WFDC1: variants seen among roughly 807,000 people sequenced by gnomAD.
WFDC1 encodes WAP four-disulfide core domain 1.
Under a neutral mutation model 32.9 loss-of-function variants are expected in WFDC1, and 39 were observed. The ratio of observed to expected loss-of-function variants is 1.19; its 90% CI spans 0.92 to 1.55. The LOEUF (loss-of-function observed/expected upper bound fraction) is 1.55, where lower values mean the gene tolerates loss of function less well. WFDC1 is among the 40% of genes most tolerant of loss of function. The probability of loss-of-function intolerance (pLI) is 0.00; values close to 1 mark genes in which losing one functional copy is unlikely to be tolerated. For missense variants in WFDC1, 386 were observed against 309.5 expected, an observed-to-expected ratio of 1.25 and a Z score of -1.85; for synonymous variants, 184 against 137.4, an observed-to-expected ratio of 1.34 and a Z score of -2.37.
At chr16:84,306,182 C>T (rs1042635964) in intron 1 of WFDC1, among the ~76,000 whole-genome samples, 7 of 152,048 alleles carry the variant, frequency 4.6e-5, no homozygotes, top group South Asian at 2.1e-4. Flanking sequence ...TTGCAGATGA[C>T]GCTCAGATAC....
At chr16:84,319,030 G>T (rs1250131285) in intron 3 of WFDC1, 6 of 235,844 alleles carry the variant, frequency 2.5e-5, no homozygotes, top group Non-Finnish European at 3.4e-5. Context: ...TGCAGGATTT[G>T]TGTGTGGGGA....
chr16:84,318,908 ATTTGTGTGTG>A lies in WFDC1; in HGVS notation c.422-521_422-512del, dbSNP rs1284019889. The A allele has an allele frequency of 6.0e-3, 637 of 106,000 alleles. 5 individuals carry two copies. The highest frequency in any genetic ancestry group is 0.033 in the African/African-American group (601 of 18,452). 6.6% of individuals were successfully genotyped at this position (106,000 alleles called of 1,614,324 possible). A position where few individuals can be genotyped will look rare whatever the true frequency, so the allele number is the denominator to read the frequency against. On this transcript the variant is annotated intron_variant, in intron 3 of 6. Coordinates refer to ENST00000219454, the MANE Select transcript of WFDC1 (RefSeq NM_021197.4). ...GCTGTCCTTGTGCCTGTGGCTGAATATTTGTGTGTGTGTGTGTGTGTGTGTGTGTGTGTGC... is the reference window on the plus strand; with the variant it reads ...GCTGTCCTTGTGCCTGTGGCTGAATATGTGTGTGTGTGTGTGTGTGTGTGC...
intron 1 of WFDC1, among the ~76,000 whole-genome samples, chr16:84,300,767 C>T (rs1267246662): frequency 2.0e-5 from 3 of 152,102 alleles, no homozygotes; most frequent in Non-Finnish European, 4.4e-5. Context: ...GTCAGGAGTT[C>T]GAGACCAGCC....
rs1393816658 is a variant in WFDC1, at chr16:84,300,649, C to T, written c.144+5534C>T. Reference sequence around the variant, plus strand: ...AAGTCATGCTGGAGGTGGGTGGTTCCTTAATATGAACCCCGTTCCTTATAA... The same window carrying T: ...AAGTCATGCTGGAGGTGGGTGGTTCTTTAATATGAACCCCGTTCCTTATAA... On this transcript the variant is annotated intron_variant, in intron 1 of 6. Coordinates refer to ENST00000219454, the MANE Select transcript of WFDC1 (RefSeq NM_021197.4). Among the ~76,000 whole-genome samples the T allele has an allele frequency of 3.3e-5, 5 of 152,310 alleles. No homozygotes were observed. The South Asian group carries it at 8.3e-4, about 25-fold the overall frequency.
chr16:84,313,642 C>G (rs1486408218), intron 2 of WFDC1, among the ~76,000 whole-genome samples: 2 of 152,350 alleles, frequency 1.3e-5, no homozygotes, highest in East Asian at 3.9e-4. Flanking sequence ...TTCCCACTCA[C>G]CCCATCAACC....
intron 1 of WFDC1, among the ~76,000 whole-genome samples, chr16:84,297,459 A>C (rs1452941393): frequency 6.6e-6 from 1 of 152,018 alleles, no homozygotes; most frequent in Non-Finnish European, 1.5e-5. Context: ...CTCTACTAAA[A>C]ATACAAAATT....
intron 1 of WFDC1, among the ~76,000 whole-genome samples, chr16:84,303,402 A>T (rs1907063954): frequency 6.6e-6 from 1 of 151,630 alleles, no homozygotes. Flanking sequence ...GCAGCTCTGG[A>T]GATTGGATTC....
chr16:84,295,825 C>G (rs1906563587), intron 1 of WFDC1: 1 of 152,392 alleles, frequency 6.6e-6, no homozygotes, highest in Admixed American at 6.5e-5. Flanking sequence ...GCAATCTCAT[C>G]TGCAAAAGAC....
chr16:84,310,370 G>A (rs914906844), intron 1 of WFDC1, among the ~76,000 whole-genome samples: 9 of 152,102 alleles, frequency 5.9e-5, no homozygotes, highest in Admixed American at 1.3e-4. Flanking sequence ...TGGAGGTGAC[G>A]GCGCCCACAC....
rs570939321 is a variant in WFDC1 at position 84,303,730 on chromosome 16, G to A, written c.144+8615G>A. On this transcript the variant is annotated intron_variant, in intron 1 of 6. Transcript: ENST00000219454. ...CAAAGGTACAATTCAGTGGTGTTTAGTATACTCAGAGTCATGCAACCGTCC... is the reference window on the plus strand; with the variant it reads ...CAAAGGTACAATTCAGTGGTGTTTAATATACTCAGAGTCATGCAACCGTCC... Among the ~76,000 whole-genome samples, 3 of 152,286 alleles carry A rather than the reference G, an allele frequency of 2.0e-5. 1 individual carries two copies. The South Asian group carries it at 6.2e-4, about 32-fold the overall frequency.
chr16:84,295,436 G>A (rs1367514717), intron 1 of WFDC1: 10 of 484,658 alleles, frequency 2.1e-5, no homozygotes, highest in South Asian at 1.3e-4. Flanking sequence ...GGATTTAAAC[G>A]GAGCATTCCG....
chr16:84,312,256 C>G (rs548209088), intron 1 of WFDC1, among the ~76,000 whole-genome samples: 1 of 152,282 alleles, frequency 6.6e-6, no homozygotes, highest in African/African-American at 2.4e-5. Flanking sequence ...AATAAACACA[C>G]CATGTAACCA....
At chr16:84,303,879 G>A (rs1203625110) in intron 1 of WFDC1, among the ~76,000 whole-genome samples, 1 of 152,170 alleles carries the variant, frequency 6.6e-6, no homozygotes, top group Non-Finnish European at 1.5e-5. Context: ...TGTCTTTATG[G>A]ATCTGCCTGT....
At chr16:84,312,677 G>A (rs1032642232) in intron 1 of WFDC1, among the ~76,000 whole-genome samples, 1 of 151,942 alleles carries the variant, frequency 6.6e-6, no homozygotes, top group African/African-American at 2.4e-5. Context: ...TCTCACACCG[G>A]GTAGATACTT....
intron 1 of WFDC1, among the ~76,000 whole-genome samples, chr16:84,296,234 A>C (rs972044893): frequency 6.6e-6 from 1 of 152,220 alleles, no homozygotes; most frequent in Non-Finnish European, 1.5e-5. Flanking sequence ...CAACATAGCA[A>C]GCTGGCAGTG....
intron 4 of WFDC1, 92 bp downstream of exon 4, chr16:84,319,663 G>A: frequency 2.6e-6 from 4 of 1,519,992 alleles, no homozygotes; most frequent in Non-Finnish European, 3.5e-6. Context: ...ACCTGCCCCA[G>A]GAAGCAGCCC....
At chr16:84,315,281 C>T (rs1001739944) in intron 2 of WFDC1, among the ~76,000 whole-genome samples, 5 of 152,216 alleles carry the variant, frequency 3.3e-5, no homozygotes, top group African/African-American at 9.6e-5. Flanking sequence ...CCCTCCTTGG[C>T]CATTTTTAAA....
chr16:84,297,433 C>T (rs1163881409), intron 1 of WFDC1, among the ~76,000 whole-genome samples: 1 of 152,048 alleles, frequency 6.6e-6, no homozygotes, highest in Non-Finnish European at 1.5e-5. Flanking sequence ...GCCTGACCAA[C>T]ATGGTGAAAC....
intron 1 of WFDC1, among the ~76,000 whole-genome samples, chr16:84,300,839 G>T (rs1906891454): frequency 6.6e-6 from 1 of 152,126 alleles, no homozygotes; most frequent in Non-Finnish European, 1.5e-5. Flanking sequence ...GCATGGTGGT[G>T]CATGCCTGTA....
Sources: allele counts gnomAD v4.1 joint callset (sites outside exome capture counted in the v4.1 genomes callset), GRCh38; gene constraint gnomAD v4.1.1; transcripts MANE v1.5; gene names NCBI Gene and HGNC (gene_info 2026-07-23, HGNC 2026-07-21).